The following SLC2A3 variants were observed in gnomAD, a reference collection of about 807,000 sequenced individuals.
SLC2A3 encodes solute carrier family 2, facilitated glucose transporter member 3.
SLC2A3 carries 21 observed loss-of-function variants against 46.4 expected under a neutral mutation model. That is an observed-to-expected ratio of 0.45 (90% CI 0.32 to 0.65). SLC2A3 has a LOEUF of 0.65. Among genes scored for constraint, SLC2A3 ranks in the 30% least tolerant of loss-of-function variants. The probability of loss-of-function intolerance (pLI) is 0.04; values close to 1 mark genes in which losing one functional copy is unlikely to be tolerated. For synonymous variants in SLC2A3, 213 were observed against 239.4 expected, an observed-to-expected ratio of 0.89 and a Z score of 1.02; for missense variants, 499 against 623.3, an observed-to-expected ratio of 0.80 and a Z score of 2.12.
chr12:7,929,466 C>A, intron 6 of SLC2A3: 119 of 516,836 alleles, frequency 2.3e-4, no homozygotes, highest in Middle Eastern at 5.9e-4. Context: ...TTTTTTTTTT[C>A]CTTTTTTTAA....
intron 6 of SLC2A3, among the ~76,000 whole-genome samples, chr12:7,928,909 TC>T (rs1176439980): frequency 6.6e-6 from 1 of 151,802 alleles, no homozygotes; most frequent in African/African-American, 2.4e-5. Context: ...CACCTCAGCC[TC>T]CCGAGTAGTA....
intron 1 of SLC2A3, among the ~76,000 whole-genome samples, chr12:7,934,522 TGAACCCAACATATAAGGGC>T (rs1449996699): frequency 1.3e-5 from 2 of 152,096 alleles, no homozygotes; most frequent in African/African-American, 4.8e-5. Context: ...GTACTTACTC[TGAACCCAACATATAAGGGC>T]GAACCCAACA....
At chr12:7,928,912 C>T (rs2300140) in intron 6 of SLC2A3, among the ~76,000 whole-genome samples, 10,500 of 151,594 alleles carry the variant, frequency 0.069, 947 homozygotes, top group East Asian at 0.31. Flanking sequence ...CTCAGCCTCC[C>T]GAGTAGTAGC....
At chr12:7,923,449 A>G (rs771419269) in intron 8 of SLC2A3, among the ~76,000 whole-genome samples, 1 of 152,108 alleles carries the variant, frequency 6.6e-6, no homozygotes, top group Non-Finnish European at 1.5e-5. Flanking sequence ...CACAGTCTCT[A>G]CTAAGAAGTA....
chr12:7,921,480 G>T lies in SLC2A3; in HGVS notation c.1424C>A (p.Ser475Tyr). 2 of 1,613,958 alleles carry T rather than the reference G, an allele frequency of 1.2e-6. No homozygotes were observed. The highest frequency in any genetic ancestry group is 1.7e-6 in the Non-Finnish European group (2 of 1,179,866). ...FEGQAHGADRSGKDGVMEMNS... is the reference protein window; with the variant it reads ...FEGQAHGADRYGKDGVMEMNS... ...CATCTCCATGACGCCGTCCTTTCCA[G>T]ATCTATCTGCACCGTGTGCCTGCCC... Residue 475 changes from serine to tyrosine, a missense_variant, in exon 10 of 10, where the codon TCT becomes TAT. Coordinates refer to ENST00000075120, the MANE Select transcript of SLC2A3 (RefSeq NM_006931.3).
chr12:7,922,622 C>T (rs987094428), intron 9 of SLC2A3, among the ~76,000 whole-genome samples, 199 bp downstream of exon 9: 1 of 151,918 alleles, frequency 6.6e-6, no homozygotes, highest in Non-Finnish European at 1.5e-5. Flanking sequence ...CCACCATGCC[C>T]AGCTAATTTT....
chr12:7,936,120 CCTT>C lies in SLC2A3; in HGVS notation c.-89_-87del, dbSNP rs1946210144. On this transcript the variant is annotated 5_prime_UTR_variant, in exon 1 of 10. Coordinates refer to ENST00000075120, the MANE Select transcript of SLC2A3 (RefSeq NM_006931.3). ...TCAGCCAACAAAACCTTCAAAATGT[CCTT>C]CTCAGCAGCAAGTTTTCTCCACGTC... 3 of 1,164,192 alleles carry C rather than the reference CCTT, an allele frequency of 2.6e-6. No individual in the cohort carries two copies. Among genetic ancestry groups the C allele is most frequent in the African/African-American group, 1.5e-5 (1 of 65,960 alleles). 72.1% of individuals were successfully genotyped at this position (1,164,192 alleles called of 1,614,324 possible).
chr12:7,921,652 A>T, intron 9 of SLC2A3, 21 bp from the exon 10 acceptor site: 1 of 1,602,974 alleles, frequency 6.2e-7, no homozygotes, highest in Non-Finnish European at 8.5e-7. Flanking sequence ...GACAGAAAAA[A>T]GGAAGGTTGA....
rs1946022124 is a variant in SLC2A3, at chr12:7,920,294, A to C, written c.*1119T>G. The C allele has an allele frequency of 6.6e-6, 1 of 152,130 alleles. No homozygotes were observed. The highest frequency in any genetic ancestry group is 1.5e-5 in the Non-Finnish European group (1 of 68,016). The allele number at this position is 152,130 out of a possible 1,614,324, so 9.4% of individuals were successfully genotyped here. A position where few individuals can be genotyped will look rare whatever the true frequency, so the allele number is the denominator to read the frequency against. On this transcript the variant is annotated 3_prime_UTR_variant, in exon 10 of 10. Coordinates refer to ENST00000075120, the MANE Select transcript of SLC2A3 (RefSeq NM_006931.3). ...ATCTCTACCAAGAACCAATTATTTT[A>C]GGTTTCTTATTTGGATGGCTCTCCC...
intron 2 of SLC2A3, 133 bp from the exon 3 acceptor site, chr12:7,933,280 T>A: frequency 1.0e-6 from 1 of 972,146 alleles, no homozygotes; most frequent in Non-Finnish European, 1.5e-6. Flanking sequence ...GCAGATAACG[T>A]ATTGGAATTT....
chr12:7,929,563 C>G (rs1204927947), intron 6 of SLC2A3, 121 bp downstream of exon 6: 4 of 1,425,844 alleles, frequency 2.8e-6, no homozygotes, highest in Middle Eastern at 1.8e-4. Context: ...CTCCTGAGCT[C>G]AAGTGATCCT....
At chr12:7,930,359 C>G (rs997848749) in intron 5 of SLC2A3, 121 bp downstream of exon 5, 41 of 1,101,914 alleles carry the variant, frequency 3.7e-5, no homozygotes, top group Non-Finnish European at 5.0e-5. Flanking sequence ...TAATCAGAAC[C>G]CTCCTCACTT....
At chr12:7,928,925 GGA>G (rs1946123389) in intron 6 of SLC2A3, among the ~76,000 whole-genome samples, 1 of 151,586 alleles carries the variant, frequency 6.6e-6, no homozygotes, top group Non-Finnish European at 1.5e-5. Context: ...GTAGTAGCTG[GGA>G]CTACAGGCAT....
intron 9 of SLC2A3, among the ~76,000 whole-genome samples, chr12:7,922,026 A>ATT (rs201816919): frequency 6.8e-6 from 1 of 147,324 alleles, no homozygotes; most frequent in Non-Finnish European, 1.5e-5. Context: ...CTATTTATGA[A>ATT]TTTTTTTTTT....
chr12:7,931,785 A>T (rs1222104227), intron 3 of SLC2A3, among the ~76,000 whole-genome samples: 1 of 151,988 alleles, frequency 6.6e-6, no homozygotes, highest in Non-Finnish European at 1.5e-5. Flanking sequence ...CTTGGGGGGT[A>T]AAAAAACAAA....
chr12:7,928,522 C>T (rs751778369), intron 6 of SLC2A3, among the ~76,000 whole-genome samples: 2 of 152,130 alleles, frequency 1.3e-5, no homozygotes, highest in Admixed American at 1.3e-4. Flanking sequence ...AGGGCCTGGA[C>T]TGTGGTGAGG....
chr12:7,922,866 G>C lies in SLC2A3; in HGVS notation c.1227C>G (p.Asn409Lys). Residue 409 changes from asparagine to lysine, a missense_variant, in exon 9 of 10, where the codon AAC becomes AAG. Around this residue, in one of 5 missense-constraint regions of SLC2A3, gnomAD observed 179 missense variants for 205.1 expected, o/e 0.87. Transcript: ENST00000075120. ...PAAMAVAGCSNWTSNFLVGLL... is the reference protein window; with the variant it reads ...PAAMAVAGCSKWTSNFLVGLL... ...ATCCGACTAGGAAGTTGGAGGTCCA[G>C]TTGGAGCAGCCGGCCACTGCCATCG... 1 of 1,614,106 alleles carries C rather than the reference G, an allele frequency of 6.2e-7. No homozygotes were observed. The highest frequency in any genetic ancestry group is 8.5e-7 in the Non-Finnish European group (1 of 1,179,958).
At chr12:7,923,536 G>A (rs1463465055) in intron 8 of SLC2A3, among the ~76,000 whole-genome samples, 1 of 151,994 alleles carries the variant, frequency 6.6e-6, no homozygotes, top group Non-Finnish European at 1.5e-5. Flanking sequence ...AAACACTTAA[G>A]CCCAGGAGGC....
intron 1 of SLC2A3, among the ~76,000 whole-genome samples, chr12:7,934,832 T>C (rs919665486): frequency 6.6e-6 from 1 of 152,178 alleles, no homozygotes; most frequent in African/African-American, 2.4e-5. Flanking sequence ...CAGTCCCAGC[T>C]AAGCATCGGT....
Sources: gnomAD v4.1 joint callset for allele counts (sites outside exome capture counted in the v4.1 genomes callset) on GRCh38, gnomAD v4.1.1 for gene constraint, gnomAD v4.1.1 regional missense constraint, MANE v1.5 for transcripts, NCBI Gene and HGNC (gene_info 2026-07-23, HGNC 2026-07-21) for gene names.